Variants in IQSEC1 observed in about 807,000 individuals in gnomAD.
IQSEC1 encodes IQ motif and Sec7 domain ArfGEF 1.
Under a neutral mutation model 91.0 loss-of-function variants are expected in IQSEC1, and 31 were observed. The observed-to-expected ratio is 0.34, with a 90% CI of 0.26 to 0.46. The LOEUF (loss-of-function observed/expected upper bound fraction) is 0.46, where lower values mean the gene tolerates loss of function less well. IQSEC1 is among the 20% of genes least tolerant of loss of function. The probability of loss-of-function intolerance (pLI) is 1.00; values close to 1 mark genes in which losing one functional copy is unlikely to be tolerated. For missense variants in IQSEC1, 1,388 were observed against 1,575.6 expected, an observed-to-expected ratio of 0.88 and a Z score of 2.02; for synonymous variants, 699 against 662.6, an observed-to-expected ratio of 1.05 and a Z score of -0.84.
chr3:12,973,178 C>T (rs1477837211), intron 1 of IQSEC1, among the ~76,000 whole-genome samples: 4 of 152,166 alleles, frequency 2.6e-5, no homozygotes, highest in Non-Finnish European at 5.9e-5. Context: ...ACTGCTCAGG[C>T]ACCACACCTG....
intron 1 of IQSEC1, among the ~76,000 whole-genome samples, chr3:13,232,891 C>T (rs531795514): frequency 6.6e-6 from 1 of 152,166 alleles, no homozygotes; most frequent in East Asian, 1.9e-4. Flanking sequence ...AAGCCCGTCA[C>T]GAAACGTGAA....
At chr3:13,262,161 C>A (rs574184131) in intron 1 of IQSEC1, among the ~76,000 whole-genome samples, 1 of 152,186 alleles carries the variant, frequency 6.6e-6, no homozygotes, top group African/African-American at 2.4e-5. Flanking sequence ...CCCAGGTGAA[C>A]GGGGTCAGTC....
At chr3:13,035,138 G>A (rs1293020594) in intron 1 of IQSEC1, among the ~76,000 whole-genome samples, 1 of 152,216 alleles carries the variant, frequency 6.6e-6, no homozygotes, top group East Asian at 1.9e-4. Flanking sequence ...GGGCTCCCAG[G>A]GAGCCTTTTT....
intron 1 of IQSEC1, among the ~76,000 whole-genome samples, chr3:12,951,221 G>C (rs867383910): frequency 7.9e-5 from 12 of 152,326 alleles, no homozygotes; most frequent in Middle Eastern, 3.4e-3. Context: ...CCAGGTGTTC[G>C]AGACTGGCCT....
intron 1 of IQSEC1, among the ~76,000 whole-genome samples, chr3:13,244,982 G>A (rs1476613871): frequency 3.3e-5 from 5 of 152,136 alleles, no homozygotes; most frequent in South Asian, 2.1e-4. Flanking sequence ...CCACAGTCTC[G>A]AGAAGCACTG....
chr3:13,170,434 C>T (rs1693584427), intron 1 of IQSEC1, among the ~76,000 whole-genome samples: 1 of 152,224 alleles, frequency 6.6e-6, no homozygotes, highest in African/African-American at 2.4e-5. Context: ...GGGGCACTGC[C>T]AAGTGGAGCT....
At chr3:13,077,467 A>G (rs1705581191), upstream of IQSEC1, among the ~76,000 whole-genome samples, 1 of 152,222 alleles carries the variant, frequency 6.6e-6, no homozygotes, top group African/African-American at 2.4e-5. Context: ...AAGTAGGATC[A>G]CATTGCATAT....
chr3:13,218,762 A>G (rs1442717003), intron 1 of IQSEC1, among the ~76,000 whole-genome samples: 2 of 152,130 alleles, frequency 1.3e-5, no homozygotes, highest in Non-Finnish European at 2.9e-5. Context: ...TGGGGGAGCC[A>G]TTGAACATTC....
At chr3:12,934,678 C>G (rs1698002739) in intron 3 of IQSEC1, among the ~76,000 whole-genome samples, 1 of 152,128 alleles carries the variant, frequency 6.6e-6, no homozygotes, top group Admixed American at 6.5e-5. Flanking sequence ...GCACGTTCCC[C>G]AGGCCAAGTG....
chr3:13,079,773 G>A (rs888171743), intron 2 of IQSEC1, among the ~76,000 whole-genome samples: 1 of 152,186 alleles, frequency 6.6e-6, no homozygotes, highest in Non-Finnish European at 1.5e-5. Context: ...AGAACCAAAC[G>A]TTCTAATGCA....
intron 1 of IQSEC1, among the ~76,000 whole-genome samples, chr3:13,256,728 G>A (rs1269503364): frequency 1.3e-5 from 2 of 152,200 alleles, no homozygotes; most frequent in African/African-American, 4.8e-5. Flanking sequence ...GATAGAAAGT[G>A]GACCACAGAC....
intron 2 of IQSEC1, among the ~76,000 whole-genome samples, chr3:13,101,219 C>T (rs1344133235): frequency 5.9e-5 from 9 of 152,134 alleles, no homozygotes; most frequent in Non-Finnish European, 1.2e-4. Flanking sequence ...CGGTGGCTCA[C>T]GCCTGTAATC....
intron 2 of IQSEC1, among the ~76,000 whole-genome samples, chr3:13,124,261 G>A (rs1416494256): frequency 6.6e-6 from 1 of 152,184 alleles, no homozygotes; most frequent in Non-Finnish European, 1.5e-5. Flanking sequence ...AATGGTAATG[G>A]CTGGGGGGAC....
chr3:12,900,132 ATAC>A lies in IQSEC1; in HGVS notation c.*848_*850del, dbSNP rs1694084215. 2 of 974,160 alleles carry A rather than the reference ATAC, an allele frequency of 2.1e-6. No homozygotes were observed. The highest frequency in any genetic ancestry group is 6.1e-5 in the Admixed American group (1 of 16,268). The allele number at this position is 974,160 out of a possible 1,614,324, so 60.3% of individuals were successfully genotyped here. On this transcript the variant is annotated 3_prime_UTR_variant, in exon 14 of 14. Transcript: ENST00000613206. ...GCTTACCTGAAATAACAGCATTATAATACTATTTATGATAGTATTCTGTTAATA... is the reference window on the plus strand; with the variant it reads ...GCTTACCTGAAATAACAGCATTATAATATTTATGATAGTATTCTGTTAATA...
At chr3:13,125,675 C>T (rs1459300641) in intron 2 of IQSEC1, among the ~76,000 whole-genome samples, 1 of 152,256 alleles carries the variant, frequency 6.6e-6, no homozygotes, top group African/African-American at 2.4e-5. Context: ...AATGAGATAA[C>T]AGCATCATCC....
intron 1 of IQSEC1, among the ~76,000 whole-genome samples, chr3:13,060,614 G>C (rs1705031004): frequency 6.6e-6 from 1 of 152,238 alleles, no homozygotes. Flanking sequence ...GCTGGATGAC[G>C]GGCCTAGGGC....
chr3:13,025,925 C>T (rs1285407364), intron 1 of IQSEC1, among the ~76,000 whole-genome samples: 2 of 152,226 alleles, frequency 1.3e-5, no homozygotes, highest in Non-Finnish European at 2.9e-5. Context: ...ATCACAACAC[C>T]CCTGAGCCCT....
chr3:13,073,172 A>G lies in IQSEC1; in HGVS notation c.-158T>C, dbSNP rs1187859460. 62 of 455,914 alleles carry G rather than the reference A, an allele frequency of 1.4e-4. No individual in the cohort carries two copies. Among genetic ancestry groups the G allele is most frequent in the Non-Finnish European group, 1.9e-4 (47 of 250,572 alleles). 28.2% of individuals were successfully genotyped at this position (455,914 alleles called of 1,614,324 possible). A position where few individuals can be genotyped will look rare whatever the true frequency, so the allele number is the denominator to read the frequency against. On this transcript the variant is annotated 5_prime_UTR_variant, in exon 1 of 14. Transcript: ENST00000613206. Reference sequence around the variant, plus strand: ...CCGGGGGTGGCGGGCTCCTCCAGGGAGGCTGGGGCGGGAGCGGGGGGCGGC... The same window carrying G: ...CCGGGGGTGGCGGGCTCCTCCAGGGGGGCTGGGGCGGGAGCGGGGGGCGGC...
chr3:12,945,277 G>A (rs1462089460), intron 1 of IQSEC1, among the ~76,000 whole-genome samples: 1 of 151,978 alleles, frequency 6.6e-6, no homozygotes, highest in East Asian at 1.9e-4. Flanking sequence ...TTCCGCTCTG[G>A]GCACTCCTGG....
Sources: gnomAD v4.1 joint callset for allele counts (sites outside exome capture counted in the v4.1 genomes callset) on GRCh38, gnomAD v4.1.1 for gene constraint, MANE v1.5 for transcripts, NCBI Gene and HGNC (gene_info 2026-07-23, HGNC 2026-07-21) for gene names.